Variants in CCSER1 observed in about 807,000 individuals in gnomAD.
CCSER1 encodes coiled-coil serine rich protein 1.
In CCSER1, 41 loss-of-function variants were observed where a neutral mutation model predicts 82.0. The ratio of observed to expected loss-of-function variants is 0.50; its 90% CI spans 0.39 to 0.65. CCSER1 has a LOEUF of 0.65. CCSER1 is among the 30% of genes least tolerant of loss of function. The pLI, the probability that CCSER1 is intolerant of heterozygous loss-of-function variation, is 0.00. For synonymous variants in CCSER1, 414 were observed against 383.9 expected (o/e 1.08, Z -0.92); for missense variants, 1,119 against 1,064.2 (o/e 1.05, Z -0.72).
chr4:91,121,733 TA>T (rs1299971051), intron 10 of CCSER1, among the ~76,000 whole-genome samples: 1 of 151,640 alleles, frequency 6.6e-6, no homozygotes, highest in Non-Finnish European at 1.5e-5. Context: ...TACTTTCCTT[TA>T]AAAAGAAAGT....
chr4:90,261,937 A>G (rs1724399391), intron 1 of CCSER1, among the ~76,000 whole-genome samples: 5 of 152,082 alleles, frequency 3.3e-5, no homozygotes. Flanking sequence ...TTTCATTTCT[A>G]GAAGTTCTGA....
At chr4:91,456,462 C>T (rs1299474901) in intron 10 of CCSER1, among the ~76,000 whole-genome samples, 1 of 151,906 alleles carries the variant, frequency 6.6e-6, no homozygotes, top group Non-Finnish European at 1.5e-5. Context: ...AGTGATATTG[C>T]CAACTATATC....
chr4:90,379,504 G>C (rs763443372), intron 3 of CCSER1, among the ~76,000 whole-genome samples: 6 of 152,130 alleles, frequency 3.9e-5, no homozygotes, highest in Non-Finnish European at 8.8e-5. Flanking sequence ...GGGGATCAGT[G>C]ATTGCAATGC....
chr4:90,993,392 A>G (rs1737206142), intron 9 of CCSER1, among the ~76,000 whole-genome samples: 1 of 152,088 alleles, frequency 6.6e-6, no homozygotes, highest in Non-Finnish European at 1.5e-5. Context: ...ATTTGCAGCT[A>G]TAATGGATAA....
chr4:90,981,604 G>C (rs1437310830), intron 9 of CCSER1, among the ~76,000 whole-genome samples: 1 of 151,778 alleles, frequency 6.6e-6, no homozygotes, highest in Non-Finnish European at 1.5e-5. Flanking sequence ...AGACCTGGAG[G>C]AGTCCCTGTC....
intron 10 of CCSER1, among the ~76,000 whole-genome samples, chr4:91,269,772 C>G (rs1323218129): frequency 6.6e-6 from 1 of 152,106 alleles, no homozygotes; most frequent in East Asian, 1.9e-4. Context: ...AGAACTTTAA[C>G]TTCCAGAGGG....
chr4:90,878,473 C>T (rs1720704640), intron 8 of CCSER1, among the ~76,000 whole-genome samples: 1 of 152,126 alleles, frequency 6.6e-6, no homozygotes. Context: ...TAGGTCTTTT[C>T]ACTTCCCCTG....
In CCSER1 at chr4:91,599,134, T is replaced by C; in HGVS notation, c.*77T>C. On this transcript the variant is annotated 3_prime_UTR_variant, in exon 11 of 11. Transcript: ENST00000509176. ...TCGTGCATAGTTCATATTAAAATTGTCATGTACTTTTTCTTACATTTTAGT... is the reference window on the plus strand; with the variant it reads ...TCGTGCATAGTTCATATTAAAATTGCCATGTACTTTTTCTTACATTTTAGT... 7.2e-7 allele frequency: 1 copy of C among 1,394,168 alleles called. No individual in the cohort carries two copies. Among genetic ancestry groups the C allele is most frequent in the Non-Finnish European group, 9.5e-7 (1 of 1,057,754 alleles). The allele number at this position is 1,394,168 out of a possible 1,614,324, so 86.4% of individuals were successfully genotyped here.
At chr4:91,106,411 T>C (rs1725618256) in intron 10 of CCSER1, among the ~76,000 whole-genome samples, 1 of 152,104 alleles carries the variant, frequency 6.6e-6, no homozygotes, top group South Asian at 2.1e-4. Context: ...AGGAGAGAAA[T>C]TAATAGACAT....
At chr4:91,182,816 T>C (rs143574668) in intron 10 of CCSER1, among the ~76,000 whole-genome samples, 1,766 of 152,308 alleles carry the variant, frequency 0.012, 32 homozygotes, top group African/African-American at 0.04. Flanking sequence ...TGAGGGAACA[T>C]GTGTGACATC....
At chr4:91,181,030 G>A (rs373197175) in intron 10 of CCSER1, among the ~76,000 whole-genome samples, 28 of 152,340 alleles carry the variant, frequency 1.8e-4, no homozygotes, top group African/African-American at 5.3e-4. Context: ...GTGGTTTTCC[G>A]CCCTGGGAGG....
At chr4:91,270,613 C>T (rs1183252751) in intron 10 of CCSER1, among the ~76,000 whole-genome samples, 1 of 152,116 alleles carries the variant, frequency 6.6e-6, no homozygotes, top group Non-Finnish European at 1.5e-5. Flanking sequence ...CTCTAATTGG[C>T]TCAGTCCTCA....
rs546271224 is a variant in CCSER1, at chr4:91,265,340, A to G, written c.2217+179346A>G. On this transcript the variant is annotated intron_variant, in intron 10 of 10. Transcript: ENST00000509176. ...TACAAAACCCCATTAAGTTAACAAC[A>G]TAAGGGTGTGAGCTATAGTGAATTA... Among the ~76,000 whole-genome samples, 35 of 152,302 alleles carry G rather than the reference A, an allele frequency of 2.3e-4. 1 individual carries two copies. The South Asian group carries it at 6.8e-3, about 30-fold the overall frequency.
chr4:91,030,502 C>T (rs543008459), intron 9 of CCSER1, among the ~76,000 whole-genome samples: 14 of 152,102 alleles, frequency 9.2e-5, no homozygotes, highest in East Asian at 7.7e-4. Context: ...GAGCTGATGC[C>T]GGCCTGGAGG....
chr4:90,483,239 A>G (rs1385561223), intron 5 of CCSER1, among the ~76,000 whole-genome samples: 1 of 152,078 alleles, frequency 6.6e-6, no homozygotes, highest in African/African-American at 2.4e-5. Flanking sequence ...ATCTTCCTCC[A>G]TCCCTTTATT....
chr4:91,086,331 G>A (rs1302959707), intron 10 of CCSER1, among the ~76,000 whole-genome samples: 1 of 152,048 alleles, frequency 6.6e-6, no homozygotes, highest in Admixed American at 6.6e-5. Flanking sequence ...GACTTACTGA[G>A]AAGTTAACAA....
At chr4:91,277,352 A>G (rs1331766147) in intron 10 of CCSER1, among the ~76,000 whole-genome samples, 1 of 151,902 alleles carries the variant, frequency 6.6e-6, no homozygotes, top group East Asian at 1.9e-4. Context: ...TACTGCTTCA[A>G]TCTTATTATG....
chr4:90,180,223 T>A (rs1362297871), intron 1 of CCSER1, among the ~76,000 whole-genome samples: 1 of 151,872 alleles, frequency 6.6e-6, no homozygotes, highest in African/African-American at 2.4e-5. Context: ...GACTTCTAAC[T>A]GCAGACAGTT....
At chr4:90,885,661 A>C (rs1198643343) in intron 8 of CCSER1, among the ~76,000 whole-genome samples, 3 of 152,162 alleles carry the variant, frequency 2.0e-5, no homozygotes, top group African/African-American at 7.2e-5. Flanking sequence ...GATGACAATG[A>C]TAGGAGATGG....
Sources: allele counts gnomAD v4.1 joint callset (sites outside exome capture counted in the v4.1 genomes callset), GRCh38; gene constraint gnomAD v4.1.1; transcripts MANE v1.5; gene names NCBI Gene and HGNC (gene_info 2026-07-23, HGNC 2026-07-21).